Variants in PLCB2 observed in about 807,000 individuals in gnomAD.
PLCB2 encodes phospholipase C beta 2.
In PLCB2, 115 loss-of-function variants were observed where a neutral mutation model predicts 141.7. The observed-to-expected ratio is 0.81, with a 90% CI of 0.70 to 0.95. PLCB2 has a LOEUF of 0.95. Among genes scored for constraint, PLCB2 ranks in the 40% least tolerant of loss-of-function variants. The pLI is 0.00. For synonymous variants in PLCB2, 603 were observed against 595.6 expected (o/e 1.01, Z -0.18); for missense variants, 1,403 against 1,541.1 (o/e 0.91, Z 1.50).
At chr15:40,285,331 G>A (rs2039595857), downstream of PLCB2, 1 of 167,556 alleles carries the variant, frequency 6.0e-6, no homozygotes, top group African/African-American at 2.4e-5. Context: ...TCAGCGTTAA[G>A]TCCCAGCTTG....
chr15:40,295,987 G>A (rs1010684181), intron 16 of PLCB2, among the ~76,000 whole-genome samples: 5 of 152,190 alleles, frequency 3.3e-5, no homozygotes, highest in African/African-American at 1.2e-4. Flanking sequence ...CCACGGCCAG[G>A]GCTTCTGGGC....
chr15:40,299,091 C>T, intron 8 of PLCB2, 37 bp downstream of exon 8: 1 of 1,576,090 alleles, frequency 6.3e-7, no homozygotes, highest in Non-Finnish European at 8.7e-7. Context: ...TTAGCCACCA[C>T]CCTTTTCCCA....
rs1488768641 is a variant in PLCB2, at chr15:40,298,556, G to T, written c.997+6C>A. The T allele has an allele frequency of 6.2e-7, 1 of 1,613,946 alleles. No homozygotes were observed. The highest frequency in any genetic ancestry group is 2.2e-5 in the East Asian group (1 of 44,906). ...AGAGGTTGGCACCAATGTTATCAGGGCCCACCTGTCAGGTAGGTGTTGTGG... is the reference window on the plus strand; with the variant it reads ...AGAGGTTGGCACCAATGTTATCAGGTCCCACCTGTCAGGTAGGTGTTGTGG... On this transcript the variant is annotated splice_donor_region_variant and intron_variant, in intron 10 of 31. Transcript: ENST00000260402.
At chr15:40,304,767 G>T (rs1291225844) in intron 1 of PLCB2, among the ~76,000 whole-genome samples, 1 of 152,082 alleles carries the variant, frequency 6.6e-6, no homozygotes, top group Non-Finnish European at 1.5e-5. Context: ...CTTGAATGTG[G>T]TGTTTGCTGA....
At chr15:40,291,690 G>T in intron 24 of PLCB2, 40 bp from the exon 25 acceptor site, 1 of 1,609,808 alleles carries the variant, frequency 6.2e-7, no homozygotes, top group Non-Finnish European at 8.5e-7. Context: ...TGCTCTGGGG[G>T]GCCCCTTGGC....
intron 18 of PLCB2, 42 bp from the exon 19 acceptor site, chr15:40,294,462 G>A: frequency 6.2e-7 from 1 of 1,608,082 alleles, no homozygotes; most frequent in Middle Eastern, 1.7e-4. Flanking sequence ...CCCAGCCCTG[G>A]GGCTGTGCCC....
At chr15:40,295,351 C>G (rs1304053377) in intron 16 of PLCB2, 66 bp from the exon 17 acceptor site, 1 of 1,102,338 alleles carries the variant, frequency 9.1e-7, no homozygotes. Flanking sequence ...TCTTGGCCTC[C>G]CCTTTGGGGC....
At chr15:40,287,716 G>A (rs1237969304), downstream of PLCB2, among the ~76,000 whole-genome samples, 3 of 152,086 alleles carry the variant, frequency 2.0e-5, no homozygotes, top group African/African-American at 7.2e-5. Context: ...GTGGCATCAG[G>A]GCCAGCAGAA....
rs767903110 is a variant in PLCB2 at position 40,288,904 on chromosome 15, C to A, written c.3369G>T (p.Ala1123=). The A allele has an allele frequency of 1.9e-6, 3 of 1,613,170 alleles. No individual in the cohort carries two copies. The highest frequency in any genetic ancestry group is 4.5e-5 in the East Asian group (2 of 44,874). The change falls in exon 32 of 32, where the codon GCG becomes GCT. Residue 1123 remains alanine, a synonymous_variant. Coordinates refer to ENST00000260402, the MANE Select transcript of PLCB2 (RefSeq NM_004573.3). ...TCATCCTGGCCTCGTACTCTGCCAG[C>A]GCCTCCTTCTGGAACTGTGGAGACA... ...REMEKQFQKE[A]LAEYEARMKG...
intron 19 of PLCB2, 42 bp downstream of exon 19, chr15:40,294,224 A>G: frequency 1.2e-6 from 2 of 1,605,722 alleles, no homozygotes; most frequent in South Asian, 2.2e-5. Context: ...CTTCTACTCA[A>G]GACCTCAGCC....
intron 7 of PLCB2, among the ~76,000 whole-genome samples, chr15:40,300,289 C>T (rs4924449): frequency 0.97 from 148,012 of 152,276 alleles, 72,054 homozygotes; most frequent in East Asian, 1. Flanking sequence ...CACTCCAGCC[C>T]GGGCAACAGA....
At chr15:40,289,656 TTGGCACCTCAG>T (rs1159867053) in intron 30 of PLCB2, 1 of 518,992 alleles carries the variant, frequency 1.9e-6, no homozygotes, top group East Asian at 3.4e-5. Flanking sequence ...CCATTATTCC[TTGGCACCTCAG>T]GAAGCTTCCT....
At position 40,298,409 on chromosome 15, in the gene PLCB2, G is replaced by A. The variant is rs754117991; in HGVS notation, c.998-29C>T. 6 of 1,574,764 alleles carry A rather than the reference G, an allele frequency of 3.8e-6. No individual in the cohort carries two copies. In the East Asian group the frequency reaches 1.1e-4, roughly 30 times the overall value. ...AGCCAGAGGATGGGGAAGAGGTGAG[G>A]GCATCACCCAAAGGCAGCCCAGCTC... On this transcript the variant is annotated intron_variant, in intron 10 of 31. Transcript: ENST00000260402.
downstream of PLCB2, among the ~76,000 whole-genome samples, chr15:40,287,007 C>T (rs2039621790): frequency 6.6e-6 from 1 of 152,220 alleles, no homozygotes; most frequent in South Asian, 2.1e-4. Flanking sequence ...CCAGTGGGCT[C>T]CATTGGGCTC....
chr15:40,304,824 G>T (rs1348446550), intron 1 of PLCB2, among the ~76,000 whole-genome samples: 1 of 152,152 alleles, frequency 6.6e-6, no homozygotes, highest in Non-Finnish European at 1.5e-5. Flanking sequence ...ACCTTCTAAA[G>T]TCCTGTTCCA....
rs1044450028 is a variant in PLCB2, at chr15:40,288,175, G to A, written c.*540C>T. On this transcript the variant is annotated 3_prime_UTR_variant, in exon 32 of 32. Transcript: ENST00000260402. ...CCTCCCGTTCCGGACAGGCAGAGGG[G>A]AGGGGAGGGCCCTCAGCCAGGGAGT... 4 of 985,546 alleles carry A rather than the reference G, an allele frequency of 4.1e-6. No homozygotes were observed. The highest frequency in any genetic ancestry group is 4.8e-6 in the Non-Finnish European group (4 of 830,110). The allele number at this position is 985,546 out of a possible 1,614,324, so 61.1% of individuals were successfully genotyped here.
intron 3 of PLCB2, 25 bp downstream of exon 3, chr15:40,303,263 C>G (rs1229392243): frequency 6.3e-7 from 1 of 1,577,198 alleles, no homozygotes; most frequent in Admixed American, 1.7e-5. Flanking sequence ...GTGCTTGAGC[C>G]TGGGCTGCTA....
chr15:40,301,701 AC>A, intron 7 of PLCB2: 1 of 703,806 alleles, frequency 1.4e-6, no homozygotes, highest in Admixed American at 2.0e-5. Context: ...TCCATCAACC[AC>A]AGCCCCAGCG....
chr15:40,298,341 C>A lies in PLCB2; in HGVS notation c.1037G>T (p.Arg346Leu), dbSNP rs1193739585. 6.2e-7 allele frequency: 1 copy of A among 1,602,228 alleles called. No individual in the cohort carries two copies. Among genetic ancestry groups the A allele is most frequent in the Non-Finnish European group, 8.5e-7 (1 of 1,172,498 alleles). Reference protein sequence around the residue: ...FSGLSSAEMYRQVLLSGCRCV... With the variant: ...FSGLSSAEMYLQVLLSGCRCV... ...ACGGCAGCCAGAGAGCAGCACCTGG[C>A]GGTACATCTCAGCCGAGGAGAGGCC... The change falls in exon 11 of 32, where the codon CGC (arginine) becomes CTC (leucine). Residue 346 changes from arginine to leucine, a missense_variant. Physicochemically the swap from Arg to Leu is moderately radical, Grantham distance 102 (BLOSUM62 -2). Transcript: ENST00000260402.
Sources: allele counts gnomAD v4.1 joint callset (sites outside exome capture counted in the v4.1 genomes callset), GRCh38; gene constraint gnomAD v4.1.1; transcripts MANE v1.5; gene names NCBI Gene and HGNC (gene_info 2026-07-23, HGNC 2026-07-21).